The following PALLD variants were observed in gnomAD, a reference collection of about 807,000 sequenced individuals.
The protein encoded by PALLD is palladin, cytoskeletal associated protein.
In PALLD, 61 loss-of-function variants were observed where a neutral mutation model predicts 123.5. That is an observed-to-expected ratio of 0.49 (90% CI 0.40 to 0.61). The LOEUF is 0.61. PALLD is among the 20% of genes least tolerant of loss of function. The pLI is 0.00. For synonymous variants in PALLD, 465 were observed against 496.4 expected, an observed-to-expected ratio of 0.94 and a Z score of 0.84; for missense variants, 1,273 against 1,377.0, an observed-to-expected ratio of 0.92 and a Z score of 1.20.
chr4:168,618,537 T>C (rs74869846), intron 2 of PALLD, among the ~76,000 whole-genome samples: 3,328 of 152,228 alleles, frequency 0.022, 121 homozygotes, highest in African/African-American at 0.076. Flanking sequence ...AAAAATTTTG[T>C]TACACACCCA....
chr4:168,672,560 G>A lies in PALLD; in HGVS notation c.1087+4192G>A, dbSNP rs562201656. 3.2e-3 allele frequency among the ~76,000 whole-genome samples: 488 copies of A among 151,972 alleles called. 1 individual carries two copies. Among genetic ancestry groups the A allele is most frequent in the Non-Finnish European group, 5.4e-3 (366 of 68,004 alleles). ...TGCAAGCTCTGCCTTCCGGGTTCAC[G>A]CCATTCTCCTGCCTCAGCCTCCCGA... On this transcript the variant is annotated intron_variant, in intron 3 of 21. Coordinates refer to ENST00000505667, the MANE Select transcript of PALLD (RefSeq NM_001166108.2).
intron 10 of PALLD, among the ~76,000 whole-genome samples, chr4:168,814,079 G>A (rs1489581758): frequency 4.6e-5 from 7 of 152,112 alleles, no homozygotes; most frequent in South Asian, 2.1e-4. Context: ...GTATTAAGAC[G>A]CTATCAATAA....
At chr4:168,531,425 G>C (rs1191181514) in intron 2 of PALLD, among the ~76,000 whole-genome samples, 2 of 152,204 alleles carry the variant, frequency 1.3e-5, no homozygotes, top group Non-Finnish European at 2.9e-5. Flanking sequence ...TCCTAAACCA[G>C]AGGAGTGATG....
chr4:168,522,167 T>C (rs1367658033), intron 2 of PALLD, among the ~76,000 whole-genome samples: 1 of 152,234 alleles, frequency 6.6e-6, no homozygotes, highest in African/African-American at 2.4e-5. Flanking sequence ...GTGTTAACTA[T>C]TTGCTAGAGT....
At chr4:168,625,500 G>GATATATATATATAT (rs1554052783) in intron 2 of PALLD, among the ~76,000 whole-genome samples, 2 of 35,216 alleles carry the variant, frequency 5.7e-5, no homozygotes, top group African/African-American at 1.7e-4. Context: ...TAATATCCAG[G>GATATATATATATAT]AGATATATAT....
chr4:168,631,835 G>C lies in PALLD; in HGVS notation c.909-36355G>C. 4 of 985,506 alleles carry C rather than the reference G, an allele frequency of 4.1e-6. No individual in the cohort carries two copies. In the South Asian group the frequency reaches 1.9e-4, roughly 46 times the overall value. 61.0% of individuals were successfully genotyped at this position (985,506 alleles called of 1,614,324 possible). A position where few individuals can be genotyped will look rare whatever the true frequency, so the allele number is the denominator to read the frequency against. On this transcript the variant is annotated intron_variant, in intron 2 of 21. Transcript: ENST00000505667. ...GAAGTTGCAAGCTGGGAATAAGCGA[G>C]ATCTGAAAGACCCCCAAGAGGAGCT...
intron 2 of PALLD, among the ~76,000 whole-genome samples, chr4:168,553,119 CAG>C (rs1766913724): frequency 6.6e-6 from 1 of 152,124 alleles, no homozygotes; most frequent in Non-Finnish European, 1.5e-5. Flanking sequence ...AACTGAGTCT[CAG>C]AGATATTAGG....
chr4:168,549,095 G>A (rs1561235192), intron 2 of PALLD, among the ~76,000 whole-genome samples: 1 of 152,052 alleles, frequency 6.6e-6, no homozygotes, highest in African/African-American at 2.4e-5. Context: ...AATTATCTCA[G>A]AAAAACACCA....
At chr4:168,876,391 A>G (rs903215292) in intron 10 of PALLD, among the ~76,000 whole-genome samples, 2 of 152,244 alleles carry the variant, frequency 1.3e-5, no homozygotes, top group African/African-American at 4.8e-5. Context: ...GCCTACTTTT[A>G]AAACACTCAA....
intron 2 of PALLD, among the ~76,000 whole-genome samples, chr4:168,592,964 C>G (rs1771584528): frequency 6.6e-6 from 1 of 151,792 alleles, no homozygotes; most frequent in African/African-American, 2.4e-5. Flanking sequence ...TGAATTAAGG[C>G]TTTGCTCCTG....
chr4:168,736,225 T>C (rs1227930403), intron 10 of PALLD, among the ~76,000 whole-genome samples: 4 of 152,354 alleles, frequency 2.6e-5, no homozygotes, highest in East Asian at 3.9e-4. Flanking sequence ...TAATTAATAA[T>C]TACTACACTT....
At chr4:168,891,247 T>G (rs1229778733) in intron 11 of PALLD, among the ~76,000 whole-genome samples, 190 bp downstream of exon 11, 1 of 152,152 alleles carries the variant, frequency 6.6e-6, no homozygotes, top group Non-Finnish European at 1.5e-5. Flanking sequence ...ACTGCATCCT[T>G]GACCTCCCAG....
intron 2 of PALLD, among the ~76,000 whole-genome samples, chr4:168,595,374 A>T (rs188173450): frequency 6.6e-6 from 1 of 152,258 alleles, no homozygotes; most frequent in East Asian, 1.9e-4. Flanking sequence ...CTATGTAATA[A>T]ACATGGGATG....
chr4:168,919,426 G>C (rs1760957465), intron 17 of PALLD, among the ~76,000 whole-genome samples: 1 of 151,956 alleles, frequency 6.6e-6, no homozygotes, highest in Non-Finnish European at 1.5e-5. Context: ...TCAGGAGGCT[G>C]AGGCAAGAGA....
At chr4:168,731,165 A>G (rs1270315633) in intron 10 of PALLD, among the ~76,000 whole-genome samples, 3 of 152,156 alleles carry the variant, frequency 2.0e-5, no homozygotes, top group Non-Finnish European at 1.5e-5. Context: ...TCCTCTCCTG[A>G]TAAGTCAGTG....
intron 2 of PALLD, among the ~76,000 whole-genome samples, chr4:168,555,660 G>C (rs1767205053): frequency 6.6e-6 from 1 of 152,336 alleles, no homozygotes; most frequent in Admixed American, 6.5e-5. Context: ...GTGAGGCAGA[G>C]TGCCGCAAAA....
chr4:168,745,432 G>A (rs1011879365), intron 10 of PALLD, among the ~76,000 whole-genome samples: 2 of 138,314 alleles, frequency 1.4e-5, no homozygotes, highest in Non-Finnish European at 3.1e-5. Context: ...ATGGGAGGGG[G>A]GGGCAAATAA....
At chr4:168,598,647 C>T (rs930996353) in intron 2 of PALLD, 31 of 324,404 alleles carry the variant, frequency 9.6e-5, no homozygotes, top group African/African-American at 1.1e-4. Flanking sequence ...AGTTTAGTTA[C>T]GGAACTCTGA....
At chr4:168,561,667 T>C (rs768462830) in intron 2 of PALLD, among the ~76,000 whole-genome samples, 27 of 152,246 alleles carry the variant, frequency 1.8e-4, no homozygotes, top group Non-Finnish European at 3.8e-4. Context: ...TTTTTCTTAA[T>C]CTTCATTCAT....
Sources: gnomAD v4.1 joint callset for allele counts (sites outside exome capture counted in the v4.1 genomes callset) on GRCh38, gnomAD v4.1.1 for gene constraint, MANE v1.5 for transcripts, NCBI Gene and HGNC (gene_info 2026-07-23, HGNC 2026-07-21) for gene names.